Variants in UNC45A observed in about 807,000 individuals in gnomAD.
UNC45A encodes protein unc-45 homolog A.
In UNC45A, 78 loss-of-function variants were observed where a neutral mutation model predicts 103.2. The observed-to-expected ratio is 0.76, with a 90% CI of 0.63 to 0.91. The LOEUF (loss-of-function observed/expected upper bound fraction) is 0.91, where lower values mean the gene tolerates loss of function less well. Ranked by LOEUF, UNC45A falls within the 40% of genes least tolerant of loss-of-function variation. The probability of loss-of-function intolerance (pLI) is 0.00; values close to 1 mark genes in which losing one functional copy is unlikely to be tolerated. For missense variants in UNC45A, 1,193 were observed against 1,224.8 expected (o/e 0.97, Z 0.39); for synonymous variants, 495 against 504.6 (o/e 0.98, Z 0.25).
chr15:90,949,349 A>G lies in UNC45A; in HGVS notation c.1912A>G (p.Lys638Glu), dbSNP rs772651652. The change falls in exon 14 of 20, where the codon AAG becomes GAG. Residue 638 changes from lysine to glutamate, a missense_variant. Transcript: ENST00000418476. ...AAGCTTCGTGCGGGCTCGGGTGAAGAAGCTGCTGGCAGCGGGTGTGGTGTC... is the reference window on the plus strand; with the variant it reads ...AAGCTTCGTGCGGGCTCGGGTGAAGGAGCTGCTGGCAGCGGGTGTGGTGTC... ...KPSFVRARVK[K>E]LLAAGVVSAM... The G allele has an allele frequency of 1.2e-6, 2 of 1,613,316 alleles. No individual in the cohort carries two copies. The highest frequency in any genetic ancestry group is 2.7e-5 in the African/African-American group (2 of 74,916).
At chr15:90,932,146 A>T (rs567984929), upstream of UNC45A, 2 of 1,564,242 alleles carry the variant, frequency 1.3e-6, no homozygotes, top group Admixed American at 3.6e-5. Context: ...GTCAGGTCGG[A>T]GGTAGTCCCA....
At chr15:90,934,256 C>G (rs1230139977), upstream of UNC45A, 1 of 398,956 alleles carries the variant, frequency 2.5e-6, no homozygotes, top group Non-Finnish European at 4.4e-6. Flanking sequence ...AGGGGCTGAT[C>G]TCTTTTACTC....
At chr15:90,931,719 G>T (rs2035799714), upstream of UNC45A, 1 of 1,614,098 alleles carries the variant, frequency 6.2e-7, no homozygotes, top group African/African-American at 1.3e-5. Flanking sequence ...GGGGTGCAGC[G>T]ATTCAGGTCC....
At position 90,949,693 on chromosome 15, in the gene UNC45A, C is replaced by T; in HGVS notation, c.2046C>T (p.Gly682=). The T allele has an allele frequency of 6.2e-7, 1 of 1,614,220 alleles. No homozygotes were observed. The highest frequency in any genetic ancestry group is 1.7e-5 in the Admixed American group (1 of 60,022). ...LALVEEVEDR[G]TVVAQGGGRA... ...TAGTGGAAGAGGTAGAGGACCGAGG[C>T]ACTGTGGTTGCCCAGGGAGGCGGCA... is the stretch of plus-strand genomic sequence containing the variant. Residue 682 remains glycine, a synonymous_variant, in exon 15 of 20, where the codon GGC becomes GGT. Transcript: ENST00000418476.
upstream of UNC45A, chr15:90,931,846 T>C (rs761610413): frequency 8.1e-6 from 13 of 1,614,144 alleles, no homozygotes; most frequent in Non-Finnish European, 1.0e-5. Flanking sequence ...TGTCATCTGT[T>C]ACCTCCTCCA....
At chr15:90,943,750 G>A (rs1352985255) in intron 8 of UNC45A, among the ~76,000 whole-genome samples, 1 of 151,536 alleles carries the variant, frequency 6.6e-6, no homozygotes, top group East Asian at 2.0e-4. Flanking sequence ...GTGCAGTGGC[G>A]CGATCTCAGC....
upstream of UNC45A, chr15:90,930,747 A>G (rs2035761377): frequency 6.2e-6 from 1 of 160,056 alleles, no homozygotes; most frequent in African/African-American, 2.4e-5. Context: ...GGCACGTCAC[A>G]GTCTAACCTG....
In UNC45A at chr15:90,949,740, C is replaced by T. The variant is rs2036787850; in HGVS notation, c.2073+20C>T. 6 of 1,613,194 alleles carry T rather than the reference C, an allele frequency of 3.7e-6. No individual in the cohort carries two copies. The highest frequency in any genetic ancestry group is 1.3e-5 in the African/African-American group (1 of 74,924). Reference sequence around the variant, plus strand: ...GGCAGGGTAAGCTGGTTTACACACCCCTTCCTGATGGCTGAGCCATCAGCC... The same window carrying T: ...GGCAGGGTAAGCTGGTTTACACACCTCTTCCTGATGGCTGAGCCATCAGCC... On this transcript the variant is annotated intron_variant, in intron 15 of 19. Coordinates refer to ENST00000418476, the MANE Select transcript of UNC45A (RefSeq NM_018671.5).
chr15:90,948,670 T>A lies in UNC45A; in HGVS notation c.1754T>A (p.Val585Glu). ...FQLSRLEERS[V>E]LFAVASALVN... ...TCCTGGCAGTTGGAGGAGAGGTCAG[T>A]GCTCTTTGCGGTGGCCTCAGCGCTG... The change falls in exon 13 of 20, where the codon GTG (valine) becomes GAG (glutamate). Residue 585 changes from valine to glutamate, a missense_variant. Transcript: ENST00000418476. 1 of 1,614,022 alleles carries A rather than the reference T, an allele frequency of 6.2e-7. No homozygotes were observed. Among genetic ancestry groups the A allele is most frequent in the Non-Finnish European group, 8.5e-7 (1 of 1,179,966 alleles).
At chr15:90,938,581 C>G (rs568100189) in intron 4 of UNC45A, among the ~76,000 whole-genome samples, 1 of 152,060 alleles carries the variant, frequency 6.6e-6, no homozygotes, top group Non-Finnish European at 1.5e-5. Context: ...GGCGGGTGGT[C>G]CACATGCTAG....
intron 4 of UNC45A, among the ~76,000 whole-genome samples, chr15:90,939,083 G>A (rs2036158998): frequency 6.6e-6 from 1 of 151,798 alleles, no homozygotes; most frequent in Non-Finnish European, 1.5e-5. Context: ...GGGTTCAAGT[G>A]ATTCTCCTGC....
chr15:90,945,181 G>C, intron 9 of UNC45A, 118 bp downstream of exon 9: 3 of 1,378,114 alleles, frequency 2.2e-6, no homozygotes, highest in Non-Finnish European at 2.9e-6. Flanking sequence ...GGGAGGACTA[G>C]TTGGAGGCTG....
Position 90,948,126 on chromosome 15 carries a change from T to C in UNC45A, c.1596-16T>C. ...CCCCAATCCTGAGGGTCGTCCACTATCCTGCGTGTCCCCAGGTGGCTGTGC... is the reference window on the plus strand; with the variant it reads ...CCCCAATCCTGAGGGTCGTCCACTACCCTGCGTGTCCCCAGGTGGCTGTGC... On this transcript the variant is annotated splice_polypyrimidine_tract_variant and intron_variant, in intron 11 of 19. Coordinates refer to ENST00000418476, the MANE Select transcript of UNC45A (RefSeq NM_018671.5). The C allele has an allele frequency of 1.2e-6, 2 of 1,613,722 alleles. No individual in the cohort carries two copies. The highest frequency in any genetic ancestry group is 1.7e-6 in the Non-Finnish European group (2 of 1,179,988).
At chr15:90,932,806 T>A (rs780779414), upstream of UNC45A, 2 of 374,980 alleles carry the variant, frequency 5.3e-6, no homozygotes, top group Non-Finnish European at 9.5e-6. Context: ...GAGCCCACAG[T>A]CTGTGGAAAA....
chr15:90,939,978 C>T (rs77514896), intron 5 of UNC45A, among the ~76,000 whole-genome samples, 155 bp downstream of exon 5: 6,019 of 152,270 alleles, frequency 0.04, 193 homozygotes, highest in Non-Finnish European at 0.062. Context: ...GGGGCTTTAG[C>T]GTGAACCAAG....
At chr15:90,952,402 C>T (rs117564299) in intron 17 of UNC45A, 8,566 of 154,298 alleles carry the variant, frequency 0.056, 352 homozygotes, top group South Asian at 0.16. Flanking sequence ...GAGCAAGAGA[C>T]AGTCGGGGGA....
At chr15:90,936,230 C>T in intron 3 of UNC45A, 55 bp from the exon 4 acceptor site, 2 of 1,567,488 alleles carry the variant, frequency 1.3e-6, no homozygotes, top group Non-Finnish European at 1.7e-6. Flanking sequence ...CCCTACTGCT[C>T]TTGCCTGGAG....
chr15:90,943,986 G>GT (rs953436599), intron 8 of UNC45A, among the ~76,000 whole-genome samples: 25,962 of 78,788 alleles, frequency 0.33, 5,499 homozygotes, highest in East Asian at 0.49. Context: ...ATTGTGCCCT[G>GT]TTTTTTTTTT....
intron 8 of UNC45A, among the ~76,000 whole-genome samples, chr15:90,943,519 G>C (rs866166843): frequency 3.3e-5 from 5 of 152,006 alleles, no homozygotes; most frequent in African/African-American, 7.2e-5. Context: ...GAGGATGCTG[G>C]AGCTGAGAAG....
Sources: allele counts gnomAD v4.1 joint callset (sites outside exome capture counted in the v4.1 genomes callset), GRCh38; gene constraint gnomAD v4.1.1; transcripts MANE v1.5; gene names NCBI Gene and HGNC (gene_info 2026-07-23, HGNC 2026-07-21).